Variants in TENM2 observed in about 807,000 individuals in gnomAD.
TENM2 encodes teneurin-2.
TENM2 carries 52 observed loss-of-function variants against 245.2 expected under a neutral mutation model. That is an observed-to-expected ratio of 0.21 (90% CI 0.17 to 0.27). The LOEUF (loss-of-function observed/expected upper bound fraction) is 0.27, where lower values mean the gene tolerates loss of function less well. TENM2 is among the 10% of genes least tolerant of loss of function. The pLI, the probability that TENM2 is intolerant of heterozygous loss-of-function variation, is 1.00. For synonymous variants in TENM2, 1,363 were observed against 1,438.9 expected (o/e 0.95, Z 1.19); for missense variants, 3,046 against 3,666.8 (o/e 0.83, Z 4.37).
At chr5:167,164,196 G>A in the TENM2 span, among the ~76,000 whole-genome samples, 1 of 152,174 alleles carries the variant, frequency 6.6e-6, no homozygotes, top group Non-Finnish European at 1.5e-5. Flanking sequence ...CCACCAAAAT[G>A]AGATTTGGAA....
rs1227700479 is a variant in TENM2, at chr5:167,727,104, C to CTTTTT, written c.503-148863_503-148859dup. 4.7e-3 allele frequency among the ~76,000 whole-genome samples: 449 copies of CTTTTT among 96,090 alleles called. 7 individuals carry two copies. The highest frequency in any genetic ancestry group is 0.018 in the East Asian group (48 of 2,618). 63.0% of individuals were successfully genotyped at this position (96,090 alleles called of 152,430 possible). A position where few individuals can be genotyped will look rare whatever the true frequency, so the allele number is the denominator to read the frequency against. ...AAATCAGTAATGAATCCATTAATTT[C>CTTTTT]TTTTTTTTTTTTTTTTTTTTTTTGA... On this transcript the variant is annotated intron_variant, in intron 2 of 28. Transcript: ENST00000518659.
chr5:167,541,062 G>A (rs1204787951), intron 2 of TENM2, among the ~76,000 whole-genome samples: 1 of 152,172 alleles, frequency 6.6e-6, no homozygotes, highest in Non-Finnish European at 1.5e-5. Context: ...AAGATGGAAA[G>A]GGGATAGGTA....
At chr5:167,418,096 A>C (rs1314827076) in intron 2 of TENM2, among the ~76,000 whole-genome samples, 2 of 152,060 alleles carry the variant, frequency 1.3e-5, no homozygotes, top group African/African-American at 4.8e-5. Context: ...TTGGGAGGCC[A>C]AGGTGGGTGG....
At chr5:167,301,346 T>G (rs1755316890) in intron 1 of TENM2, among the ~76,000 whole-genome samples, 1 of 152,184 alleles carries the variant, frequency 6.6e-6, no homozygotes, top group Admixed American at 6.5e-5. Context: ...TTTCTGGCAC[T>G]TGTAGCAAGC....
At chr5:167,928,432 T>C (rs1366936914) in intron 3 of TENM2, among the ~76,000 whole-genome samples, 4 of 152,214 alleles carry the variant, frequency 2.6e-5, no homozygotes, top group South Asian at 2.1e-4. Context: ...GGCACCATGA[T>C]AGAGCTGTGG....
At chr5:167,695,535 A>C (rs1757701030) in intron 2 of TENM2, among the ~76,000 whole-genome samples, 1 of 152,136 alleles carries the variant, frequency 6.6e-6, no homozygotes, top group Admixed American at 6.5e-5. Context: ...GCTAGACTTT[A>C]ATGCCTCTCT....
intron 2 of TENM2, among the ~76,000 whole-genome samples, chr5:167,818,748 G>T (rs183525252): frequency 6.6e-6 from 1 of 152,278 alleles, no homozygotes; most frequent in African/African-American, 2.4e-5. Context: ...TCAATAATCT[G>T]CATCCCAAGG....
chr5:167,348,539 A>T (rs569262646), intron 1 of TENM2, among the ~76,000 whole-genome samples: 45 of 152,260 alleles, frequency 3.0e-4, no homozygotes, highest in African/African-American at 1.1e-3. Context: ...CTAGACTGAG[A>T]TAGAATACAT....
At chr5:168,226,330 A>C in intron 24 of TENM2, 67 bp downstream of exon 26, 2 of 1,478,710 alleles carry the variant, frequency 1.4e-6, no homozygotes, top group Non-Finnish European at 1.9e-6. Context: ...GCCAAGCCCA[A>C]CATGTGAGTT....
chr5:167,327,088 A>G (rs899085731), intron 1 of TENM2, among the ~76,000 whole-genome samples: 65 of 152,132 alleles, frequency 4.3e-4, no homozygotes, highest in Non-Finnish European at 5.6e-4. Context: ...GGTTTGTTAC[A>G]TATGTATACA....
chr5:167,437,590 G>A (rs1433692840), intron 2 of TENM2, among the ~76,000 whole-genome samples: 3 of 152,070 alleles, frequency 2.0e-5, no homozygotes, highest in African/African-American at 7.2e-5. Context: ...GTGGCCAGGG[G>A]CTGAAGATAT....
At chr5:168,176,843 G>A (rs1008608129) in intron 13 of TENM2, among the ~76,000 whole-genome samples, 1 of 152,202 alleles carries the variant, frequency 6.6e-6, no homozygotes, top group African/African-American at 2.4e-5. Flanking sequence ...CAAAAAACAT[G>A]CATACAGTGA....
intron 3 of TENM2, among the ~76,000 whole-genome samples, chr5:167,917,309 G>A (rs1777027387): frequency 6.6e-6 from 1 of 151,926 alleles, no homozygotes; most frequent in South Asian, 2.1e-4. Context: ...AAAGAAAGGG[G>A]CAATTAGCTG....
chr5:167,712,614 AT>A (rs1225703099), intron 2 of TENM2, among the ~76,000 whole-genome samples: 1 of 152,182 alleles, frequency 6.6e-6, no homozygotes, highest in Non-Finnish European at 1.5e-5. Context: ...TAGTTTAGAA[AT>A]TGGTTTTGTG....
At chr5:167,309,108 A>G (rs551883136) in intron 1 of TENM2, among the ~76,000 whole-genome samples, 238 of 152,274 alleles carry the variant, frequency 1.6e-3, no homozygotes, top group African/African-American at 5.2e-3. Context: ...AACAAATCAC[A>G]AATCACCTTC....
At chr5:167,776,440 A>T (rs1341253843) in intron 2 of TENM2, among the ~76,000 whole-genome samples, 5 of 151,402 alleles carry the variant, frequency 3.3e-5, no homozygotes, top group African/African-American at 1.2e-4. Context: ...CTACAAAAAT[A>T]CAAAAATTAG....
chr5:167,290,733 C>T (rs908242064), intron 1 of TENM2, among the ~76,000 whole-genome samples: 2 of 150,270 alleles, frequency 1.3e-5, no homozygotes, highest in Admixed American at 1.3e-4. Context: ...TGCCAACACA[C>T]TGTAAGAGAG....
At chr5:168,252,847 CA>C (rs967237225) in intron 27 of TENM2, among the ~76,000 whole-genome samples, 51 of 122,116 alleles carry the variant, frequency 4.2e-4, no homozygotes, top group South Asian at 5.3e-4. Context: ...AACTCAGTCT[CA>C]AAAAAAAAAA....
chr5:167,603,776 G>A (rs961279857), intron 2 of TENM2, among the ~76,000 whole-genome samples: 1 of 152,192 alleles, frequency 6.6e-6, no homozygotes, highest in Admixed American at 6.5e-5. Flanking sequence ...TGAAGTTGAG[G>A]AGACAGGAAG....
Sources: allele counts gnomAD v4.1 joint callset (sites outside exome capture counted in the v4.1 genomes callset), GRCh38; gene constraint gnomAD v4.1.1; transcripts MANE v1.5; gene names NCBI Gene and HGNC (gene_info 2026-07-23, HGNC 2026-07-21).